Variants in SCN8A observed in about 807,000 individuals in gnomAD.
SCN8A encodes sodium voltage-gated channel alpha subunit 8.
SCN8A carries 30 observed loss-of-function variants against 184.1 expected under a neutral mutation model. The ratio of observed to expected loss-of-function variants is 0.16; its 90% CI spans 0.12 to 0.22. The LOEUF (loss-of-function observed/expected upper bound fraction) is 0.22, where lower values mean the gene tolerates loss of function less well. Ranked by LOEUF, SCN8A falls within the 10% of genes least tolerant of loss-of-function variation. The pLI, the probability that SCN8A is intolerant of heterozygous loss-of-function variation, is 1.00. For synonymous variants in SCN8A, 852 were observed against 907.0 expected, an observed-to-expected ratio of 0.94 and a Z score of 1.09; for missense variants, 1,057 against 2,498.9, an observed-to-expected ratio of 0.42 and a Z score of 12.30.
chr12:51,709,974 G>C (rs1248366241), intron 11 of SCN8A, among the ~76,000 whole-genome samples: 1 of 152,116 alleles, frequency 6.6e-6, no homozygotes, highest in Non-Finnish European at 1.5e-5. Context: ...CAAGGAGTTT[G>C]AGATCAGCCT....
intron 26 of SCN8A, among the ~76,000 whole-genome samples, chr12:51,802,598 A>C (rs368890114): frequency 6.6e-6 from 1 of 152,234 alleles, no homozygotes; most frequent in African/African-American, 2.4e-5. Flanking sequence ...GAAATCTTAG[A>C]AGACTTGAGG....
chr12:51,725,831 C>A (rs1197521516), intron 12 of SCN8A, among the ~76,000 whole-genome samples: 6 of 152,128 alleles, frequency 3.9e-5, no homozygotes, highest in African/African-American at 1.4e-4. Context: ...AAAATTAATA[C>A]CTCTTGGGGC....
At chr12:51,701,707 A>C (rs1198527055) in intron 8 of SCN8A, among the ~76,000 whole-genome samples, 1 of 152,158 alleles carries the variant, frequency 6.6e-6, no homozygotes, top group Non-Finnish European at 1.5e-5. Context: ...AAATGGATTT[A>C]TTTAATAAGC....
chr12:51,645,963 A>AAT (rs1555212656), intron 1 of SCN8A, among the ~76,000 whole-genome samples: 43,124 of 133,750 alleles, frequency 0.32, 7,298 homozygotes, highest in African/African-American at 0.4. Context: ...AAAAAAAAAA[A>AAT]AATAATAATA....
chr12:51,688,050 TTGAAAC>T (rs1941447993), intron 5 of SCN8A, among the ~76,000 whole-genome samples: 7 of 152,258 alleles, frequency 4.6e-5, no homozygotes, highest in Admixed American at 4.6e-4. Context: ...CATCGAATAC[TTGAAAC>T]TGAAACTGAC....
At chr12:51,702,550 T>C (rs1021064325) in intron 8 of SCN8A, among the ~76,000 whole-genome samples, 2 of 152,212 alleles carry the variant, frequency 1.3e-5, no homozygotes, top group African/African-American at 2.4e-5. Flanking sequence ...TCTGCATTTT[T>C]AAAGACCATG....
chr12:51,717,018 A>T (rs1276764064), intron 11 of SCN8A, among the ~76,000 whole-genome samples: 1 of 152,174 alleles, frequency 6.6e-6, no homozygotes, highest in African/African-American at 2.4e-5. Flanking sequence ...ACTTGCTCAG[A>T]CTTACCTATC....
intron 15 of SCN8A, among the ~76,000 whole-genome samples, chr12:51,763,385 G>C (rs533097236): frequency 1.3e-5 from 2 of 152,304 alleles, no homozygotes; most frequent in South Asian, 4.1e-4. Flanking sequence ...GCGAATGTAA[G>C]TGTTCAGAAC....
chr12:51,715,169 T>G (rs1401144372), intron 11 of SCN8A, among the ~76,000 whole-genome samples: 1 of 152,208 alleles, frequency 6.6e-6, no homozygotes, highest in East Asian at 1.9e-4. Context: ...TGCAGACTAC[T>G]CTTTTGCAAA....
chr12:51,772,676 C>G (rs968746209), intron 19 of SCN8A, among the ~76,000 whole-genome samples: 2 of 151,920 alleles, frequency 1.3e-5, no homozygotes, highest in Non-Finnish European at 2.9e-5. Context: ...CCTGTCCCCC[C>G]CACTGCCTGT....
At chr12:51,730,595 A>G (rs1249743090) in intron 12 of SCN8A, among the ~76,000 whole-genome samples, 2 of 152,190 alleles carry the variant, frequency 1.3e-5, no homozygotes, top group African/African-American at 4.8e-5. Context: ...GTAAGTATAT[A>G]TATTTATGAG....
At chr12:51,694,151 T>G (rs1437067629) in intron 6 of SCN8A, among the ~76,000 whole-genome samples, 1 of 152,192 alleles carries the variant, frequency 6.6e-6, no homozygotes, top group African/African-American at 2.4e-5. Flanking sequence ...CAGGCTGGTC[T>G]TGAACTCCTG....
At chr12:51,606,267 A>G (rs1027936550) in intron 1 of SCN8A, among the ~76,000 whole-genome samples, 9 of 152,160 alleles carry the variant, frequency 5.9e-5, no homozygotes, top group Non-Finnish European at 1.0e-4. Context: ...ATTTTTGTAT[A>G]AGGTGAGAGA....
At position 51,762,683 on chromosome 12, in the gene SCN8A, C is replaced by T; in HGVS notation, c.2544+7C>T. The T allele has an allele frequency of 1.3e-6, 2 of 1,560,528 alleles. No homozygotes were observed. The highest frequency in any genetic ancestry group is 4.4e-5 in the Admixed American group (2 of 45,608). ...GCTGCGATCTTTCCGATTGGTATTC[C>T]ATATTTCTCCAATTTCTTTTAACAT... On this transcript the variant is annotated splice_region_variant and intron_variant, in intron 15 of 26. Transcript: ENST00000627620.
rs562147833 is a variant in SCN8A, at chr12:51,731,349, C to T, written c.1998+9441C>T. Among the ~76,000 whole-genome samples the T allele has an allele frequency of 7.2e-5, 11 of 152,138 alleles. No homozygotes were observed. The East Asian group carries it at 1.9e-3, about 27-fold the overall frequency. ...ACCTCTGCCACCTGGGTCCTATGTT[C>T]AAGCGATTCTCCTGCCTTGGCCTCC... On this transcript the variant is annotated intron_variant, in intron 12 of 26. Coordinates refer to ENST00000627620, the MANE Select transcript of SCN8A (RefSeq NM_001330260.2).
At chr12:51,621,824 C>T (rs544595386) in intron 1 of SCN8A, among the ~76,000 whole-genome samples, 1 of 152,214 alleles carries the variant, frequency 6.6e-6, no homozygotes, top group Non-Finnish European at 1.5e-5. Context: ...CAGTTTATCT[C>T]ATCCGGAGAT....
chr12:51,740,326 AG>A (rs1246932347), intron 12 of SCN8A, among the ~76,000 whole-genome samples: 3 of 152,196 alleles, frequency 2.0e-5, no homozygotes, highest in African/African-American at 7.2e-5. Flanking sequence ...TGTATCCCAT[AG>A]GTTTTGTTAT....
intron 14 of SCN8A, among the ~76,000 whole-genome samples, chr12:51,759,524 G>A (rs1942731914): frequency 6.6e-6 from 1 of 152,144 alleles, no homozygotes; most frequent in African/African-American, 2.4e-5. Context: ...CTTATGAATT[G>A]TTTTTCTAGA....
At chr12:51,718,276 G>A (rs1168212062) in intron 11 of SCN8A, among the ~76,000 whole-genome samples, 1 of 152,126 alleles carries the variant, frequency 6.6e-6, no homozygotes, top group Non-Finnish European at 1.5e-5. Context: ...GAACCCAGGA[G>A]TTCAAGATCA....
Sources: gnomAD v4.1 joint callset for allele counts (sites outside exome capture counted in the v4.1 genomes callset) on GRCh38, gnomAD v4.1.1 for gene constraint, MANE v1.5 for transcripts, NCBI Gene and HGNC (gene_info 2026-07-23, HGNC 2026-07-21) for gene names.